Variants in SLCO4C1 observed in about 807,000 individuals in gnomAD.
SLCO4C1 encodes the protein organic anion transporter M1.
In SLCO4C1, 58 loss-of-function variants were observed where a neutral mutation model predicts 72.1. That is an observed-to-expected ratio of 0.80 (90% CI 0.65 to 1.00). The LOEUF (loss-of-function observed/expected upper bound fraction) is 1.00, where lower values mean the gene tolerates loss of function less well. SLCO4C1 is among the 50% of genes least tolerant of loss of function. The probability of loss-of-function intolerance (pLI) is 0.00; values close to 1 mark genes in which losing one functional copy is unlikely to be tolerated. For synonymous variants in SLCO4C1, 297 were observed against 312.5 expected, an observed-to-expected ratio of 0.95 and a Z score of 0.52; for missense variants, 898 against 857.9, an observed-to-expected ratio of 1.05 and a Z score of -0.58.
chr5:102,244,970 A>C (rs1365002369), intron 10 of SLCO4C1, among the ~76,000 whole-genome samples: 46 of 152,188 alleles, frequency 3.0e-4, no homozygotes, highest in Non-Finnish European at 4.4e-5. Flanking sequence ...GGTAATGATA[A>C]GTACAAAGAA....
At chr5:102,284,532 G>T (rs1207167975) in intron 2 of SLCO4C1, among the ~76,000 whole-genome samples, 1 of 152,102 alleles carries the variant, frequency 6.6e-6, no homozygotes, top group Non-Finnish European at 1.5e-5. Flanking sequence ...TATAACAACG[G>T]AGCCTCTTCA....
chr5:102,249,921 GTC>G, intron 8 of SLCO4C1, 133 bp from the exon 9 acceptor site: 1 of 872,992 alleles, frequency 1.1e-6, no homozygotes, highest in Non-Finnish European at 1.7e-6. Context: ...CAAATAAAAC[GTC>G]TTCCTTTGCA....
At chr5:102,282,310 T>C (rs1024669835) in intron 2 of SLCO4C1, among the ~76,000 whole-genome samples, 3 of 152,004 alleles carry the variant, frequency 2.0e-5, no homozygotes, top group Non-Finnish European at 4.4e-5. Context: ...AAGAAAATGC[T>C]CACAGGTTGC....
At chr5:102,250,838 AT>A (rs1748724391) in intron 8 of SLCO4C1, among the ~76,000 whole-genome samples, 1 of 152,006 alleles carries the variant, frequency 6.6e-6, no homozygotes, top group Non-Finnish European at 1.5e-5. Flanking sequence ...AAATACAAAA[AT>A]TAGCTGGGCA....
intron 2 of SLCO4C1, among the ~76,000 whole-genome samples, chr5:102,278,434 C>T (rs1205964842): frequency 6.6e-6 from 1 of 152,090 alleles, no homozygotes; most frequent in Non-Finnish European, 1.5e-5. Context: ...ACTGATAGAA[C>T]AGAAAATTAG....
intron 10 of SLCO4C1, among the ~76,000 whole-genome samples, chr5:102,241,957 A>G (rs1160518998): frequency 6.6e-6 from 1 of 152,194 alleles, no homozygotes; most frequent in African/African-American, 2.4e-5. Flanking sequence ...AGATTAAAAA[A>G]AAACAGTCCT....
At chr5:102,282,166 G>A (rs772767865) in intron 2 of SLCO4C1, among the ~76,000 whole-genome samples, 13 of 151,940 alleles carry the variant, frequency 8.6e-5, no homozygotes, top group Middle Eastern at 3.4e-3. Flanking sequence ...ATTATATACC[G>A]TATAATTATT....
chr5:102,256,060 G>A (rs898750524), intron 8 of SLCO4C1, among the ~76,000 whole-genome samples: 1 of 152,128 alleles, frequency 6.6e-6, no homozygotes, highest in East Asian at 1.9e-4. Flanking sequence ...ACAAAAATTA[G>A]CTGGTCATGG....
At chr5:102,239,166 C>G in intron 12 of SLCO4C1, 85 bp downstream of exon 12, 1 of 1,263,694 alleles carries the variant, frequency 7.9e-7, no homozygotes, top group East Asian at 2.5e-5. Flanking sequence ...TTCAAAATAC[C>G]TGTGACCCTA....
At chr5:102,288,955 G>T (rs1464494714) in intron 2 of SLCO4C1, among the ~76,000 whole-genome samples, 1 of 152,044 alleles carries the variant, frequency 6.6e-6, no homozygotes, top group Non-Finnish European at 1.5e-5. Flanking sequence ...AGATGGCATG[G>T]AACTGTTTTA....
At chr5:102,265,810 T>C (rs1266332772) in intron 3 of SLCO4C1, among the ~76,000 whole-genome samples, 1 of 152,150 alleles carries the variant, frequency 6.6e-6, no homozygotes, top group African/African-American at 2.4e-5. Context: ...TCTAGTTCCG[T>C]ATGAATTTTA....
Position 102,257,206 on chromosome 5 carries a change from T to A in SLCO4C1, c.1378A>T (p.Thr460Ser), listed in dbSNP as rs776409844. 6.2e-7 allele frequency: 1 copy of A among 1,610,962 alleles called. No individual in the cohort carries two copies. ...CKNTMKFALF[T>S]SGVALTLSFV... ...CTCAGCGTAAGTGCAACTCCAGATG[T>A]GAACAGTGCAAACTTCATTGTGTTT... Residue 460 changes from threonine (T) to serine (S), a missense_variant, in exon 8 of 13, where the codon ACA becomes TCA. Coordinates refer to ENST00000310954, the MANE Select transcript of SLCO4C1 (RefSeq NM_180991.5).
rs377449322 is a variant in SLCO4C1 at position 102,257,102 on chromosome 5, G to C, written c.1469+13C>G. 4 of 1,504,880 alleles carry C rather than the reference G, an allele frequency of 2.7e-6. No individual in the cohort carries two copies. The highest frequency in any genetic ancestry group is 3.6e-6 in the Non-Finnish European group (4 of 1,125,338). 93.2% of individuals were successfully genotyped at this position (1,504,880 alleles called of 1,614,324 possible). ...TCTGGTATTAATATCAAAAAGCACT[G>C]AATTGTATTTACCCATTATATGATT... On this transcript the variant is annotated intron_variant, in intron 8 of 12. Coordinates refer to ENST00000310954, the MANE Select transcript of SLCO4C1 (RefSeq NM_180991.5).
chr5:102,247,499 T>A, intron 9 of SLCO4C1, 57 bp from the exon 10 acceptor site: 1 of 1,202,764 alleles, frequency 8.3e-7, no homozygotes, highest in Non-Finnish European at 1.2e-6. Flanking sequence ...TAAATTATTG[T>A]AAATTAGGTA....
rs1224939407 is a variant in SLCO4C1, at chr5:102,263,741, C to G, written c.842G>C (p.Gly281Ala). ...TAGCAGTTGTCCTCCCAATACATAG[C>G]CAATAGCAGGGCCTAAGATTGACAT... ...YAMSILGPAI[G>A]YVLGGQLLTI... The change falls in exon 4 of 13, where the codon GGC becomes GCC. Residue 281 changes from glycine (G) to alanine (A), a missense_variant. Gly to Ala is a moderately conservative substitution (Grantham distance 60). Coordinates refer to ENST00000310954, the MANE Select transcript of SLCO4C1 (RefSeq NM_180991.5). 6.2e-7 allele frequency: 1 copy of G among 1,612,804 alleles called. No homozygotes were observed. Among genetic ancestry groups the G allele is most frequent in the East Asian group, 2.2e-5 (1 of 44,728 alleles).
At position 102,277,737 on chromosome 5, in the gene SLCO4C1, G is replaced by A. The variant is rs567461541; in HGVS notation, c.620-6931C>T. Among the ~76,000 whole-genome samples the A allele has an allele frequency of 5.4e-5, 8 of 149,142 alleles. No individual in the cohort carries two copies. In the South Asian group the frequency reaches 1.5e-3, roughly 28 times the overall value. On this transcript the variant is annotated intron_variant, in intron 2 of 12. Transcript: ENST00000310954. ...CCCACCTCAAAGCCATCAGAACAGC[G>A]TCAAGTAGTTAAGACAGAAGATTTA... is the stretch of plus-strand genomic sequence containing the variant.
chr5:102,283,853 G>A (rs546346985), intron 2 of SLCO4C1, among the ~76,000 whole-genome samples: 57 of 151,786 alleles, frequency 3.8e-4, no homozygotes, highest in Non-Finnish European at 5.9e-4. Context: ...CCATAAACTT[G>A]GGCTAAAAAA....
At chr5:102,290,607 G>T (rs1403328356) in intron 2 of SLCO4C1, among the ~76,000 whole-genome samples, 1 of 152,134 alleles carries the variant, frequency 6.6e-6, no homozygotes, top group Non-Finnish European at 1.5e-5. Context: ...ATTTGCAGGG[G>T]TTAAGTAAGT....
chr5:102,239,646 A>C (rs183079565), intron 11 of SLCO4C1, among the ~76,000 whole-genome samples: 1 of 152,124 alleles, frequency 6.6e-6, no homozygotes, highest in Non-Finnish European at 1.5e-5. Flanking sequence ...ATTGGGCTAA[A>C]AGTTAATATT....
Sources: gnomAD v4.1 joint callset for allele counts (sites outside exome capture counted in the v4.1 genomes callset) on GRCh38, gnomAD v4.1.1 for gene constraint, MANE v1.5 for transcripts, NCBI Gene and HGNC (gene_info 2026-07-23, HGNC 2026-07-21) for gene names.